SPATA31H1: variants seen among roughly 807,000 people sequenced by gnomAD.
SPATA31H1 encodes the protein SPATA31 subfamily H member 1.
chr2:27,580,699 T>G, the SPATA31H1 span: 1 of 1,614,202 alleles, frequency 6.2e-7, no homozygotes. Flanking sequence ...CGGAAGCCTG[T>G]GGACGGGACA....
At chr2:27,578,742 G>A in the SPATA31H1 span, 1 of 1,614,124 alleles carries the variant, frequency 6.2e-7, no homozygotes, top group Admixed American at 1.7e-5. Flanking sequence ...AGAGTTACAA[G>A]TAGGGACTGA....
chr2:27,541,411 A>AGAGGGGAGAGGGGAGAGG, the SPATA31H1 span, among the ~76,000 whole-genome samples: 1 of 150,424 alleles, frequency 6.6e-6, no homozygotes, highest in Non-Finnish European at 1.5e-5. Context: ...AGGGGGAGAG[A>AGAGGGGAGAGGGGAGAGG]GAGAGGGGAG....
At chr2:27,579,071 G>T in the SPATA31H1 span, 2 of 1,614,172 alleles carry the variant, frequency 1.2e-6, no homozygotes, top group African/African-American at 1.3e-5. Context: ...AAATGGAGGA[G>T]CTAGAGAACT....
the SPATA31H1 span, chr2:27,565,527 C>A: frequency 1.5e-6 from 1 of 663,494 alleles, no homozygotes; most frequent in Admixed American, 2.5e-5. Flanking sequence ...TTCTTTCTAG[C>A]ATCTCCATGT....
chr2:27,571,865 G>A, the SPATA31H1 span: 3 of 398,384 alleles, frequency 7.5e-6, no homozygotes, highest in East Asian at 1.1e-4. Flanking sequence ...GAGGAGAAGA[G>A]TTTGAAGAAG....
At chr2:27,570,396 G>A in the SPATA31H1 span, 1 of 398,902 alleles carries the variant, frequency 2.5e-6, no homozygotes, top group Non-Finnish European at 4.4e-6. Flanking sequence ...CAAATTTTCT[G>A]AATTGACTTC....
At chr2:27,574,980 T>A in the SPATA31H1 span, 1 of 398,540 alleles carries the variant, frequency 2.5e-6, no homozygotes, top group East Asian at 3.6e-5. Context: ...ATCTTCTGAA[T>A]TGACTGTAGG....
chr2:27,578,542 T>A, the SPATA31H1 span: 1 of 1,614,014 alleles, frequency 6.2e-7, no homozygotes, highest in Non-Finnish European at 8.5e-7. Flanking sequence ...TGTACTCAAG[T>A]GAAGTCTGCA....
chr2:27,581,957 G>A, the SPATA31H1 span: 1 of 1,613,798 alleles, frequency 6.2e-7, no homozygotes, highest in Non-Finnish European at 8.5e-7. Context: ...GTCCCTCTGA[G>A]AGAAGCCATC....
chr2:27,537,899 A>C, the SPATA31H1 span, among the ~76,000 whole-genome samples: 3 of 152,344 alleles, frequency 2.0e-5, no homozygotes, highest in Admixed American at 1.3e-4. Context: ...AGGGGGCTCT[A>C]TAAAATACCA....
At chr2:27,545,571 T>A in the SPATA31H1 span, among the ~76,000 whole-genome samples, 5 of 132,474 alleles carry the variant, frequency 3.8e-5, no homozygotes, top group African/African-American at 9.0e-5. Flanking sequence ...GTCCATCTTT[T>A]CCTTTTTCTT....
At chr2:27,576,073 A>G in the SPATA31H1 span, 1 of 399,818 alleles carries the variant, frequency 2.5e-6, no homozygotes, top group Non-Finnish European at 4.4e-6. Flanking sequence ...CCACAGGTGC[A>G]GTATGTGAAT....
chr2:27,552,082 G>A, the SPATA31H1 span, among the ~76,000 whole-genome samples: 2 of 151,992 alleles, frequency 1.3e-5, no homozygotes, highest in African/African-American at 2.4e-5. Flanking sequence ...CCAAAGTGCT[G>A]GGATTACAGG....
chr2:27,546,334 A>G, the SPATA31H1 span, among the ~76,000 whole-genome samples: 1 of 151,594 alleles, frequency 6.6e-6, no homozygotes, highest in African/African-American at 2.4e-5. Flanking sequence ...TTTCTTTCAC[A>G]TTTAGCTCTA....
At chr2:27,551,854 G>A in the SPATA31H1 span, among the ~76,000 whole-genome samples, 1 of 151,816 alleles carries the variant, frequency 6.6e-6, no homozygotes, top group Non-Finnish European at 1.5e-5. Flanking sequence ...GTTAGATGGA[G>A]TCTCCCTCTG....
the SPATA31H1 span, among the ~76,000 whole-genome samples, chr2:27,552,867 C>T: frequency 6.6e-6 from 1 of 151,938 alleles, no homozygotes; most frequent in Non-Finnish European, 1.5e-5. Flanking sequence ...CTTTTATTAG[C>T]TCTAATAGGT....
chr2:27,578,811 G>C, the SPATA31H1 span: 2 of 1,614,166 alleles, frequency 1.2e-6, no homozygotes, highest in Non-Finnish European at 1.7e-6. Flanking sequence ...TGTCAGAACA[G>C]CATCTGAATT....
chr2:27,545,025 A>ATT, the SPATA31H1 span, among the ~76,000 whole-genome samples: 2 of 146,746 alleles, frequency 1.4e-5, no homozygotes, highest in African/African-American at 5.0e-5. Context: ...AAAAAGTCAA[A>ATT]TTTTTTTTTT....
chr2:27,570,462 C>A, the SPATA31H1 span: 21 of 398,912 alleles, frequency 5.3e-5, no homozygotes, highest in African/African-American at 3.9e-4. Flanking sequence ...ATCAATGTTT[C>A]ATAGTGTGAA....
Sources: allele counts gnomAD v4.1 joint callset (sites outside exome capture counted in the v4.1 genomes callset), GRCh38; gene constraint gnomAD v4.1.1; transcripts MANE v1.5; gene names NCBI Gene and HGNC (gene_info 2026-07-23, HGNC 2026-07-21).